Variants in TCF12 observed in about 807,000 individuals in gnomAD.
TCF12 encodes the protein transcription factor 12, also known as DNA-binding protein HTF4.
In TCF12, 45 loss-of-function variants were observed where a neutral mutation model predicts 86.0. The observed-to-expected ratio is 0.52, with a 90% CI of 0.41 to 0.67. The LOEUF (loss-of-function observed/expected upper bound fraction) is 0.67, where lower values mean the gene tolerates loss of function less well. Among genes scored for constraint, TCF12 ranks in the 30% least tolerant of loss-of-function variants. The probability of loss-of-function intolerance (pLI) is 0.00; values close to 1 mark genes in which losing one functional copy is unlikely to be tolerated. For synonymous variants in TCF12, 330 were observed against 299.6 expected (o/e 1.10, Z -1.05); for missense variants, 881 against 859.9 (o/e 1.02, Z -0.31).
chr15:57,185,313 A>G (rs1043381781), intron 6 of TCF12, among the ~76,000 whole-genome samples: 24 of 152,230 alleles, frequency 1.6e-4, no homozygotes, highest in African/African-American at 5.3e-4. Flanking sequence ...TAAGCTTTAA[A>G]GAAACTGAAG....
intron 5 of TCF12, among the ~76,000 whole-genome samples, chr15:57,156,245 C>CT (rs1323128071): frequency 6.6e-6 from 1 of 152,176 alleles, no homozygotes; most frequent in Non-Finnish European, 1.5e-5. Flanking sequence ...AAGGGTATGT[C>CT]TTATTAATAG....
intron 3 of TCF12, among the ~76,000 whole-genome samples, chr15:57,020,160 A>C (rs2065389604): frequency 6.6e-6 from 1 of 152,222 alleles, no homozygotes; most frequent in Non-Finnish European, 1.5e-5. Context: ...GAAAAGGAAG[A>C]GTATGTAAGA....
intron 3 of TCF12, among the ~76,000 whole-genome samples, chr15:56,987,932 T>C (rs893963657): frequency 6.6e-6 from 1 of 152,240 alleles, no homozygotes; most frequent in Non-Finnish European, 1.5e-5. Flanking sequence ...TTGAAAATGC[T>C]TTCTAATCAT....
At chr15:57,098,756 C>A (rs79773441) in intron 5 of TCF12, among the ~76,000 whole-genome samples, 1 of 152,086 alleles carries the variant, frequency 6.6e-6, no homozygotes, top group East Asian at 1.9e-4. Context: ...TAACTTAAAC[C>A]GGGTGAAACA....
At chr15:57,028,770 A>G (rs1267067327) in intron 3 of TCF12, among the ~76,000 whole-genome samples, 11 of 152,090 alleles carry the variant, frequency 7.2e-5, no homozygotes, top group African/African-American at 2.6e-4. Flanking sequence ...TTTCTTCAGA[A>G]GTTTTGTGGT....
chr15:57,257,330 A>G (rs1157712866), intron 16 of TCF12, among the ~76,000 whole-genome samples: 1 of 152,208 alleles, frequency 6.6e-6, no homozygotes, highest in East Asian at 1.9e-4. Context: ...GCCAGGATCC[A>G]CTGGTAGTGG....
intron 4 of TCF12, 62 bp downstream of exon 4, chr15:57,063,885 A>G (rs1266194187): frequency 1.6e-6 from 2 of 1,253,650 alleles, no homozygotes; most frequent in Non-Finnish European, 2.3e-6. Context: ...AATTTCTTTC[A>G]TATATGCTGT....
chr15:56,977,219 A>AT (rs1344430412), intron 3 of TCF12, among the ~76,000 whole-genome samples: 2 of 151,954 alleles, frequency 1.3e-5, no homozygotes, highest in African/African-American at 2.4e-5. Context: ...ATGGGGGAAA[A>AT]TTTTTTTGTT....
intron 4 of TCF12, among the ~76,000 whole-genome samples, chr15:57,086,015 A>G (rs2048598642): frequency 6.6e-6 from 1 of 152,064 alleles, no homozygotes; most frequent in African/African-American, 2.4e-5. Flanking sequence ...TTGGACATTT[A>G]TAATATCTAA....
In TCF12 at chr15:57,077,760, C is replaced by T. The variant is rs1037374551; in HGVS notation, c.222+13937C>T. Among the ~76,000 whole-genome samples, 10 of 138,672 alleles carry T rather than the reference C, an allele frequency of 7.2e-5. No individual in the cohort carries two copies. The South Asian group carries it at 1.9e-3, about 26-fold the overall frequency. 91.0% of individuals were successfully genotyped at this position (138,672 alleles called of 152,430 possible). A position where few individuals can be genotyped will look rare whatever the true frequency, so the allele number is the denominator to read the frequency against. On this transcript the variant is annotated intron_variant, in intron 4 of 20. Transcript: ENST00000333725. ...CTGTAGTTTTTTAAAAAAAAAAAAA[C>T]GTTTGCATGTACTTTCTTAAGAATT...
At chr15:56,939,019 G>A (rs2060609718) in intron 3 of TCF12, among the ~76,000 whole-genome samples, 1 of 152,134 alleles carries the variant, frequency 6.6e-6, no homozygotes, top group South Asian at 2.1e-4. Flanking sequence ...AATCTGAATT[G>A]TGTGGTTCTG....
At chr15:56,980,761 T>G (rs2062851185) in intron 3 of TCF12, among the ~76,000 whole-genome samples, 1 of 152,214 alleles carries the variant, frequency 6.6e-6, no homozygotes, top group African/African-American at 2.4e-5. Flanking sequence ...CTGTAGGATT[T>G]TGTTCATTCT....
intron 16 of TCF12, among the ~76,000 whole-genome samples, chr15:57,256,352 A>G (rs1188980151): frequency 6.6e-6 from 1 of 152,086 alleles, no homozygotes; most frequent in Admixed American, 6.6e-5. Context: ...TTACATGCTC[A>G]GCACCCACCT....
At chr15:56,984,001 CAAA>C (rs71113046) in intron 3 of TCF12, among the ~76,000 whole-genome samples, 2 of 43,056 alleles carry the variant, frequency 4.6e-5, no homozygotes, top group Non-Finnish European at 7.8e-5. Flanking sequence ...GACCCTGTCT[CAAA>C]AAAAAAAAAA....
chr15:57,057,537 G>T (rs915870765), intron 3 of TCF12, among the ~76,000 whole-genome samples: 2 of 152,150 alleles, frequency 1.3e-5, no homozygotes, highest in Non-Finnish European at 2.9e-5. Flanking sequence ...CCTTTATGTA[G>T]TTGATAGCAA....
intron 5 of TCF12, among the ~76,000 whole-genome samples, chr15:57,162,767 C>T (rs1326316989): frequency 6.6e-6 from 1 of 152,018 alleles, no homozygotes; most frequent in East Asian, 1.9e-4. Flanking sequence ...TATTTAAAAG[C>T]TGTACATTAT....
chr15:56,972,666 C>T (rs2062398881), intron 3 of TCF12, among the ~76,000 whole-genome samples: 1 of 152,062 alleles, frequency 6.6e-6, no homozygotes. Flanking sequence ...GGATGGGAAT[C>T]TGATGAAAGG....
Position 57,146,510 on chromosome 15 carries a change from A to G in TCF12, c.326-19892A>G, listed in dbSNP as rs144691184. Among the ~76,000 whole-genome samples, 177 of 152,312 alleles carry G rather than the reference A, an allele frequency of 1.2e-3. 1 individual carries two copies. Among genetic ancestry groups the G allele is most frequent in the African/African-American group, 4.0e-3 (165 of 41,560 alleles). ...AGTTCTATTTATTTCTGTGATACAA[A>G]AAATATTCAAATTTATATTATAGAA... On this transcript the variant is annotated intron_variant, in intron 5 of 20. Transcript: ENST00000333725.
At chr15:57,059,617 T>C (rs560734951) in intron 3 of TCF12, among the ~76,000 whole-genome samples, 37 of 152,130 alleles carry the variant, frequency 2.4e-4, no homozygotes, top group African/African-American at 8.9e-4. Flanking sequence ...TGTTCCTAAT[T>C]CTTCCCTTTT....
Sources: gnomAD v4.1 joint callset for allele counts (sites outside exome capture counted in the v4.1 genomes callset) on GRCh38, gnomAD v4.1.1 for gene constraint, MANE v1.5 for transcripts, NCBI Gene and HGNC (gene_info 2026-07-23, HGNC 2026-07-21) for gene names.